Variants in SMARCE1 observed in about 807,000 individuals in gnomAD.
SMARCE1 encodes SWI/SNF related BAF chromatin remodeling complex subunit E1, also known as SWI/SNF-related matrix-associated actin-dependent regulator of chromatin subfamily E member 1.
A neutral mutation model predicts 54.9 loss-of-function variants in SMARCE1; 13 were observed. The observed-to-expected ratio is 0.24, with a 90% CI of 0.15 to 0.38. The LOEUF is 0.38. Ranked by LOEUF, SMARCE1 falls within the 10% of genes least tolerant of loss-of-function variation. The probability of loss-of-function intolerance (pLI) is 1.00; values close to 1 mark genes in which losing one functional copy is unlikely to be tolerated. For missense variants in SMARCE1, 295 were observed against 523.8 expected, an observed-to-expected ratio of 0.56 and a Z score of 4.26; for synonymous variants, 151 against 175.3, an observed-to-expected ratio of 0.86 and a Z score of 1.10.
intron 9 of SMARCE1, 167 bp from the exon 10 acceptor site, chr17:40,631,091 A>C: frequency 1.7e-6 from 1 of 586,690 alleles, no homozygotes; most frequent in South Asian, 2.3e-5. Context: ...GTCTTCTCTG[A>C]AACTCTTGGG....
At chr17:40,644,152 CCT>C (rs916253834) in intron 3 of SMARCE1, 1 of 151,986 alleles carries the variant, frequency 6.6e-6, no homozygotes. Context: ...AAAAAAAATT[CCT>C]TTTTATGCAT....
intron 4 of SMARCE1, among the ~76,000 whole-genome samples, chr17:40,640,379 G>A (rs900517528): frequency 6.6e-6 from 1 of 152,160 alleles, no homozygotes; most frequent in Non-Finnish European, 1.5e-5. Context: ...GCTATACAAA[G>A]TATTTACTGT....
At chr17:40,643,979 GTGGTGGTGA>G (rs1315321017) in intron 3 of SMARCE1, 12 of 156,044 alleles carry the variant, frequency 7.7e-5, no homozygotes, top group East Asian at 7.0e-4. Context: ...AGTGTTGGTA[GTGGTGGTGA>G]TGGTGGTGGT....
chr17:40,629,526 T>TAATATAA (rs2037069347), intron 10 of SMARCE1: 29 of 1,226,772 alleles, frequency 2.4e-5, no homozygotes, highest in Non-Finnish European at 2.8e-5. Flanking sequence ...AATATAAGGT[T>TAATATAA]GGTCTTTTAG....
At chr17:40,630,668 G>A (rs767516511) in intron 10 of SMARCE1, 46 bp downstream of exon 10, 33 of 1,496,906 alleles carry the variant, frequency 2.2e-5, no homozygotes, top group Middle Eastern at 1.7e-4. Flanking sequence ...AAAGACAGCC[G>A]TACAAAGTCT....
At chr17:40,638,486 G>C (rs544660116) in intron 4 of SMARCE1, among the ~76,000 whole-genome samples, 1 of 152,102 alleles carries the variant, frequency 6.6e-6, no homozygotes, top group African/African-American at 2.4e-5. Flanking sequence ...AAAAAAGAAG[G>C]AAAGAGAAAG....
chr17:40,629,110 C>G (rs1482589125), intron 10 of SMARCE1, 117 bp from the exon 11 acceptor site: 1 of 770,898 alleles, frequency 1.3e-6, no homozygotes, highest in African/African-American at 1.7e-5. Context: ...GGTTATTAAA[C>G]CCCTGAAATG....
intron 7 of SMARCE1, 90 bp downstream of exon 7, chr17:40,635,841 G>T: frequency 1.0e-6 from 1 of 959,752 alleles, no homozygotes; most frequent in Non-Finnish European, 1.5e-6. Flanking sequence ...TTTCCATTTA[G>T]GATAAGAAAT....
At chr17:40,632,505 C>T in intron 7 of SMARCE1, 138 bp from the exon 8 acceptor site, 1 of 656,074 alleles carries the variant, frequency 1.5e-6, no homozygotes, top group Non-Finnish European at 2.6e-6. Flanking sequence ...CATGGGAGCA[C>T]TGGGGCAGTT....
intron 5 of SMARCE1, chr17:40,637,061 G>A (rs918441789): frequency 5.9e-4 from 91 of 154,914 alleles, no homozygotes; most frequent in Non-Finnish European, 1.1e-3. Context: ...AAAACTTGAG[G>A]AAAAGAAAAT....
chr17:40,636,586 A>AC, intron 5 of SMARCE1, 60 bp from the exon 6 acceptor site: 1 of 1,359,984 alleles, frequency 7.4e-7, no homozygotes, highest in Non-Finnish European at 1.0e-6. Context: ...ACCTTTAAAA[A>AC]TAGTTTTTAA....
chr17:40,627,720 T>C lies in SMARCE1; in HGVS notation c.*1065A>G, dbSNP rs1441642342. Reference sequence around the variant, plus strand: ...AAAAACACTGAGACCTTTTTTTCATTTTTTTTTTTATTACATTTGGACCTT... The same window carrying C: ...AAAAACACTGAGACCTTTTTTTCATCTTTTTTTTTATTACATTTGGACCTT... On this transcript the variant is annotated 3_prime_UTR_variant, in exon 11 of 11. Coordinates refer to ENST00000348513, the MANE Select transcript of SMARCE1 (RefSeq NM_003079.5). 1 of 16,414 alleles carries C rather than the reference T, an allele frequency of 6.1e-5. No individual in the cohort carries two copies. Among genetic ancestry groups the C allele is most frequent in the African/African-American group, 8.4e-4 (1 of 1,186 alleles). 1.0% of individuals were successfully genotyped at this position (16,414 alleles called of 1,614,324 possible). A position where few individuals can be genotyped will look rare whatever the true frequency, so the allele number is the denominator to read the frequency against.
intron 10 of SMARCE1, chr17:40,630,077 T>C (rs925142137): frequency 2.5e-5 from 14 of 566,754 alleles, no homozygotes; most frequent in Non-Finnish European, 3.8e-5. Flanking sequence ...TTAGTCCTGT[T>C]TACACAGTGT....
intron 5 of SMARCE1, chr17:40,636,924 C>T (rs954299478): frequency 6.3e-6 from 1 of 158,712 alleles, no homozygotes; most frequent in Admixed American, 6.1e-5. Context: ...ATATAATAGT[C>T]AAGATCAAAA....
At chr17:40,644,130 C>T (rs1192580052) in intron 3 of SMARCE1, 2 of 152,006 alleles carry the variant, frequency 1.3e-5, no homozygotes, top group East Asian at 1.9e-4. Context: ...AAAAATATAA[C>T]TAAAGAAAGG....
chr17:40,646,327 TGACAA>T (rs2037256467), intron 1 of SMARCE1, among the ~76,000 whole-genome samples: 1 of 152,242 alleles, frequency 6.6e-6, no homozygotes, highest in African/African-American at 2.4e-5. Context: ...GTAATTGGTA[TGACAA>T]TGAACTTCAC....
In SMARCE1 at chr17:40,626,908, T is replaced by C. The variant is rs1394391763; in HGVS notation, c.*1877A>G. 7.7e-6 allele frequency: 1 copy of C among 129,826 alleles called. No individual in the cohort carries two copies. Among genetic ancestry groups the C allele is most frequent in the African/African-American group, 3.1e-5 (1 of 32,358 alleles). The allele number at this position is 129,826 out of a possible 1,614,324, so 8.0% of individuals were successfully genotyped here. ...AATTCCCTCATCAACTGATTGCCAGTGTTGTATGGACAGGCTTGGTCTGGA... is the reference window on the plus strand; with the variant it reads ...AATTCCCTCATCAACTGATTGCCAGCGTTGTATGGACAGGCTTGGTCTGGA... On this transcript the variant is annotated 3_prime_UTR_variant, in exon 11 of 11. Coordinates refer to ENST00000348513, the MANE Select transcript of SMARCE1 (RefSeq NM_003079.5).
At chr17:40,636,138 A>AATT (rs751439275) in intron 6 of SMARCE1, 36 bp from the exon 7 acceptor site, 1 of 1,542,788 alleles carries the variant, frequency 6.5e-7, no homozygotes, top group Non-Finnish European at 8.8e-7. Flanking sequence ...TATAATTAAC[A>AATT]TTTTGCAGGT....
intron 5 of SMARCE1, 55 bp from the exon 6 acceptor site, chr17:40,636,581 T>A: frequency 1.4e-6 from 2 of 1,404,390 alleles, no homozygotes; most frequent in Non-Finnish European, 2.0e-6. Context: ...TATAGACCTT[T>A]AAAAATAGTT....
Sources: gnomAD v4.1 joint callset for allele counts (sites outside exome capture counted in the v4.1 genomes callset) on GRCh38, gnomAD v4.1.1 for gene constraint, MANE v1.5 for transcripts, NCBI Gene and HGNC (gene_info 2026-07-23, HGNC 2026-07-21) for gene names.